The following SMURF2 variants were observed in gnomAD, a reference collection of about 807,000 sequenced individuals.
SMURF2 encodes E3 ubiquitin-protein ligase SMURF2.
Under a neutral mutation model 109.6 loss-of-function variants are expected in SMURF2, and 48 were observed. The ratio of observed to expected loss-of-function variants is 0.44; its 90% CI spans 0.35 to 0.56. The LOEUF (loss-of-function observed/expected upper bound fraction) is 0.56, where lower values mean the gene tolerates loss of function less well. SMURF2 is among the 20% of genes least tolerant of loss of function. SMURF2 has a pLI of 0.01. For missense variants in SMURF2, 575 were observed against 909.0 expected, an observed-to-expected ratio of 0.63 and a Z score of 4.72; for synonymous variants, 288 against 317.1, an observed-to-expected ratio of 0.91 and a Z score of 0.97.
intron 10 of SMURF2, among the ~76,000 whole-genome samples, chr17:64,570,531 CAG>C (rs1351499170): frequency 8.5e-5 from 13 of 152,114 alleles, no homozygotes; most frequent in African/African-American, 3.1e-4. Context: ...TAATAAGTAA[CAG>C]AGTTAGAAGA....
At chr17:64,632,928 G>A (rs1970369606) in intron 1 of SMURF2, among the ~76,000 whole-genome samples, 1 of 152,210 alleles carries the variant, frequency 6.6e-6, no homozygotes, top group Non-Finnish European at 1.5e-5. Context: ...CTTAGGTAAA[G>A]AGTTTCTTAA....
At chr17:64,573,095 G>C (rs1555685709) in intron 9 of SMURF2, 1 of 143,944 alleles carries the variant, frequency 6.9e-6, no homozygotes, top group African/African-American at 2.6e-5. Flanking sequence ...TAGTAAAACT[G>C]TTTTTGTGGT....
chr17:64,622,518 T>C (rs1424876589), intron 1 of SMURF2, among the ~76,000 whole-genome samples: 5 of 152,224 alleles, frequency 3.3e-5, no homozygotes, highest in African/African-American at 9.6e-5. Context: ...ATTTATGGCC[T>C]TGATGGTTTT....
rs547157709 is a variant in SMURF2, at chr17:64,578,271, G to A, written c.857+221C>T. Among the ~76,000 whole-genome samples the A allele has an allele frequency of 3.3e-5, 5 of 152,158 alleles. No homozygotes were observed. In the East Asian group the frequency reaches 9.7e-4, roughly 29 times the overall value. On this transcript the variant is annotated intron_variant, in intron 9 of 18. Coordinates refer to ENST00000262435, the MANE Select transcript of SMURF2 (RefSeq NM_022739.4). ...TTCCACTTTTTTTTAAGGGGAAGCAGGGGAGGGTGGCTAGGAACTGGTGAG... is the reference window on the plus strand; with the variant it reads ...TTCCACTTTTTTTTAAGGGGAAGCAAGGGAGGGTGGCTAGGAACTGGTGAG...
intron 5 of SMURF2, 141 bp downstream of exon 5, chr17:64,590,943 T>G: frequency 2.0e-6 from 1 of 492,762 alleles, no homozygotes; most frequent in East Asian, 3.4e-5. Context: ...GGATCCTGGA[T>G]TCACTGTAAC....
intron 12 of SMURF2, 117 bp from the exon 13 acceptor site, chr17:64,557,839 G>A (rs573844282): frequency 1.1e-4 from 67 of 583,922 alleles, no homozygotes; most frequent in Non-Finnish European, 1.9e-4. Context: ...AGGCAAAAAA[G>A]CACTAACTAC....
chr17:64,611,421 T>A (rs1970042698), intron 1 of SMURF2, among the ~76,000 whole-genome samples: 1 of 152,092 alleles, frequency 6.6e-6, no homozygotes, highest in Non-Finnish European at 1.5e-5. Flanking sequence ...ACAAACCAAA[T>A]ATGCGTTCCC....
In SMURF2 at chr17:64,542,292, A is replaced by T. The variant is rs189651598; in HGVS notation, c.*3556T>A. 41 of 152,272 alleles carry T rather than the reference A, an allele frequency of 2.7e-4. No individual in the cohort carries two copies. Among genetic ancestry groups the T allele is most frequent in the African/African-American group, 7.5e-4 (31 of 41,556 alleles). The allele number at this position is 152,272 out of a possible 1,614,324, so 9.4% of individuals were successfully genotyped here. ...ATTACAAACTCAATATTCTTTAAAA[A>T]CGTTGATGCTGTGACAGTGCAAACA... On this transcript the variant is annotated 3_prime_UTR_variant, in exon 19 of 19. Coordinates refer to ENST00000262435, the MANE Select transcript of SMURF2 (RefSeq NM_022739.4).
At position 64,581,669 on chromosome 17, in the gene SMURF2, G is replaced by A. The variant is rs1447224858; in HGVS notation, c.570-678C>T. 6.6e-6 allele frequency among the ~76,000 whole-genome samples: 1 copy of A among 152,136 alleles called. No homozygotes were observed. The highest frequency in any genetic ancestry group is 1.5e-5 in the Non-Finnish European group (1 of 68,020). ...TTCATTCTTAAATTAACATGGCAGG[G>A]TATGGTGGCTCACACCTGTAATCCC... On this transcript the variant is annotated intron_variant, in intron 7 of 18. Transcript: ENST00000262435. The surrounding 1 kb of genome is among the most constrained non-coding windows in gnomAD (Gnocchi z 4.3).
At chr17:64,634,178 T>C (rs1555691875) in intron 1 of SMURF2, among the ~76,000 whole-genome samples, 1 of 152,012 alleles carries the variant, frequency 6.6e-6, no homozygotes, top group Non-Finnish European at 1.5e-5. Flanking sequence ...AAAAAGAGAA[T>C]AACTGGCTGC....
chr17:64,575,270 C>T (rs1213818350), intron 9 of SMURF2, among the ~76,000 whole-genome samples: 1 of 151,934 alleles, frequency 6.6e-6, no homozygotes, highest in Non-Finnish European at 1.5e-5. Flanking sequence ...TCTTCTTCTT[C>T]AGCCTCCTGA....
chr17:64,638,480 C>T (rs1555692303), intron 1 of SMURF2, among the ~76,000 whole-genome samples: 2 of 152,190 alleles, frequency 1.3e-5, no homozygotes, highest in African/African-American at 4.8e-5. Flanking sequence ...GGATTACAGG[C>T]GTAAGCCACC....
chr17:64,645,428 C>T (rs1198104332), intron 1 of SMURF2, among the ~76,000 whole-genome samples: 2 of 152,146 alleles, frequency 1.3e-5, no homozygotes, highest in East Asian at 3.8e-4. Context: ...TGGTGTACAG[C>T]TGTAGTCCCA....
chr17:64,546,042 A>C, intron 18 of SMURF2, 95 bp from the exon 19 acceptor site: 1 of 902,526 alleles, frequency 1.1e-6, no homozygotes. Context: ...ACTCTGTGTC[A>C]CACAGAAAAC....
In SMURF2 at chr17:64,644,308, G is replaced by A. The variant is rs1017220194; in HGVS notation, c.52+17521C>T. 5.3e-5 allele frequency among the ~76,000 whole-genome samples: 8 copies of A among 152,176 alleles called. No homozygotes were observed. The East Asian group carries it at 1.4e-3, about 26-fold the overall frequency. On this transcript the variant is annotated intron_variant, in intron 1 of 18. Transcript: ENST00000262435. ...CTATGTCTTAAAACTGGAGCACCAA[G>A]CTTGGTGGCTCATGCCTGTACTCCC...
intron 2 of SMURF2, among the ~76,000 whole-genome samples, chr17:64,599,190 T>C (rs1969859486): frequency 6.6e-6 from 1 of 152,132 alleles, no homozygotes; most frequent in Non-Finnish European, 1.5e-5. Flanking sequence ...TAAACACTGT[T>C]ATTATCCCTA....
chr17:64,657,079 C>CA (rs1003080463), intron 1 of SMURF2, among the ~76,000 whole-genome samples: 10 of 152,038 alleles, frequency 6.6e-5, no homozygotes, highest in African/African-American at 2.4e-4. Flanking sequence ...AATAAAATGC[C>CA]AAAAAGGTCT....
At chr17:64,566,575 T>TTG in intron 10 of SMURF2, among the ~76,000 whole-genome samples, 1 of 103,290 alleles carries the variant, frequency 9.7e-6, no homozygotes, top group Middle Eastern at 4.3e-3. Flanking sequence ...TTTTTTTTTT[T>TTG]TTTTTTTTTT....
chr17:64,583,597 G>A, intron 6 of SMURF2, 53 bp from the exon 7 acceptor site: 1 of 1,359,326 alleles, frequency 7.4e-7, no homozygotes. Context: ...TGGACACAGT[G>A]CAACAAGCAA....
Sources: allele counts gnomAD v4.1 joint callset (sites outside exome capture counted in the v4.1 genomes callset), GRCh38; gene constraint gnomAD v4.1.1; non-coding constraint Gnocchi (gnomAD v3.1); transcripts MANE v1.5; gene names NCBI Gene and HGNC (gene_info 2026-07-23, HGNC 2026-07-21).